ARMC3: variants seen among roughly 807,000 people sequenced by gnomAD.
The protein encoded by ARMC3 is armadillo repeat containing 3.
Under a neutral mutation model 90.3 loss-of-function variants are expected in ARMC3, and 74 were observed. The observed-to-expected ratio is 0.82, with a 90% CI of 0.68 to 0.99. ARMC3 has a LOEUF of 0.99. ARMC3 is among the 50% of genes least tolerant of loss of function. The pLI is 0.00. For missense variants in ARMC3, 958 were observed against 1,042.8 expected (o/e 0.92, Z 1.12); for synonymous variants, 334 against 361.8 (o/e 0.92, Z 0.87).
intron 10 of ARMC3, among the ~76,000 whole-genome samples, chr10:22,986,551 CAAAAAAAAAAACAAA>C (rs1258107235): frequency 5.0e-4 from 43 of 85,810 alleles, no homozygotes; most frequent in Non-Finnish European, 9.0e-4. Flanking sequence ...GACTCCATCT[CAAAAAAAAAAACAAA>C]AAAAAAAAAA....
At chr10:22,975,715 T>A (rs1165865037) in intron 8 of ARMC3, among the ~76,000 whole-genome samples, 1 of 152,118 alleles carries the variant, frequency 6.6e-6, no homozygotes, top group African/African-American at 2.4e-5. Flanking sequence ...TATGTCTAAG[T>A]CCCCCTCTCC....
At chr10:22,938,593 G>T (rs1393275789) in intron 2 of ARMC3, among the ~76,000 whole-genome samples, 19 of 152,152 alleles carry the variant, frequency 1.2e-4, no homozygotes, top group Admixed American at 1.2e-3. Context: ...TGGCCAGAGT[G>T]AGGATGAGCT....
At chr10:22,929,315 A>AGAAAGGAAAGGAAAGGAAAGGAAAG (rs144228471) in intron 1 of ARMC3, among the ~76,000 whole-genome samples, 1 of 150,508 alleles carries the variant, frequency 6.6e-6, no homozygotes, top group Non-Finnish European at 1.5e-5. Flanking sequence ...AAAAAGAAAA[A>AGAAAGGAAAGGAAAGGAAAGGAAAG]GAAAGGAAAG....
intron 2 of ARMC3, among the ~76,000 whole-genome samples, chr10:22,933,315 A>G (rs1435396247): frequency 6.6e-6 from 1 of 152,106 alleles, no homozygotes; most frequent in African/African-American, 2.4e-5. Context: ...TTTGCTACCA[A>G]ATAGCATTAA....
At position 22,968,403 on chromosome 10, in the gene ARMC3, A is replaced by T; in HGVS notation, c.830A>T (p.Lys277Ile). Residue 277 changes from lysine to isoleucine, a missense_variant, in exon 8 of 19, where the codon AAA becomes ATA. Transcript: ENST00000298032. ...CAGATTCAGCAGACAGGGGGTCTTA[A>T]AAAGCTCCTGTCATTTGCAGAAAAC... ...MVQIQQTGGL[K>I]KLLSFAENST... is the part of the protein sequence containing the mutation. The T allele has an allele frequency of 6.2e-7, 1 of 1,613,632 alleles. No individual in the cohort carries two copies. Among genetic ancestry groups the T allele is most frequent in the South Asian group, 1.1e-5 (1 of 90,998 alleles).
intron 2 of ARMC3, among the ~76,000 whole-genome samples, chr10:22,933,466 A>T (rs1026458790): frequency 1.3e-5 from 2 of 152,180 alleles, no homozygotes; most frequent in Non-Finnish European, 2.9e-5. Flanking sequence ...ATCCTTGGGG[A>T]CACAATGGAG....
intron 1 of ARMC3, among the ~76,000 whole-genome samples, chr10:22,930,160 A>G (rs1833873338): frequency 6.6e-6 from 1 of 151,980 alleles, no homozygotes; most frequent in African/African-American, 2.4e-5. Flanking sequence ...GATTAATTGT[A>G]GGATAGATTC....
rs556610930 is a variant in ARMC3, at chr10:23,037,677, G to A, written c.*198G>A. On this transcript the variant is annotated 3_prime_UTR_variant, in exon 19 of 19. Coordinates refer to ENST00000298032, the MANE Select transcript of ARMC3 (RefSeq NM_173081.5). The stretch of plus-strand genomic sequence containing the variant: ...ATTTCAGGCTTTTGGCAAGAGTTCT[G>A]TCTTATTAGGTCATTTTCCGCTCAC... 1.1e-5 allele frequency: 6 copies of A among 532,472 alleles called. No individual in the cohort carries two copies. In the South Asian group the frequency reaches 2.1e-4, roughly 19 times the overall value. 33.0% of individuals were successfully genotyped at this position (532,472 alleles called of 1,614,324 possible). A position where few individuals can be genotyped will look rare whatever the true frequency, so the allele number is the denominator to read the frequency against.
chr10:23,026,081 C>T (rs887359293), intron 16 of ARMC3, among the ~76,000 whole-genome samples: 2 of 152,054 alleles, frequency 1.3e-5, no homozygotes, highest in Admixed American at 1.3e-4. Context: ...AAATTTAATT[C>T]ATTAAAATTT....
Position 22,968,196 on chromosome 10 carries a change from C to T in ARMC3, c.733-110C>T, listed in dbSNP as rs1835523624. On this transcript the variant is annotated intron_variant, in intron 7 of 18. Coordinates refer to ENST00000298032, the MANE Select transcript of ARMC3 (RefSeq NM_173081.5). Reference sequence around the variant, plus strand: ...CTATTCCCTGGGGCCTCTGTCACAACAAAAATCATGACATTGTGTTCTGAC... The same window carrying T: ...CTATTCCCTGGGGCCTCTGTCACAATAAAAATCATGACATTGTGTTCTGAC... 9 of 1,024,904 alleles carry T rather than the reference C, an allele frequency of 8.8e-6. No homozygotes were observed. In the South Asian group the frequency reaches 1.3e-4, roughly 14 times the overall value. The allele number at this position is 1,024,904 out of a possible 1,614,324, so 63.5% of individuals were successfully genotyped here. A position where few individuals can be genotyped will look rare whatever the true frequency, so the allele number is the denominator to read the frequency against.
At chr10:23,008,119 A>T (rs1837716827) in intron 14 of ARMC3, among the ~76,000 whole-genome samples, 157 bp from the exon 15 acceptor site, 1 of 152,168 alleles carries the variant, frequency 6.6e-6, no homozygotes, top group South Asian at 2.1e-4. Flanking sequence ...ACAAACAAAG[A>T]AAAAATGACT....
chr10:22,973,469 C>T (rs1290407516), intron 8 of ARMC3, among the ~76,000 whole-genome samples: 1 of 150,822 alleles, frequency 6.6e-6, no homozygotes, highest in Non-Finnish European at 1.5e-5. Flanking sequence ...ACTCTGCTTA[C>T]TATTTAAATA....
chr10:23,029,533 G>T (rs548375959), intron 16 of ARMC3, among the ~76,000 whole-genome samples: 1 of 152,182 alleles, frequency 6.6e-6, no homozygotes, highest in East Asian at 1.9e-4. Flanking sequence ...GTTCATACTG[G>T]TTCAAAGAAC....
At chr10:22,981,528 T>A (rs1288695251) in intron 9 of ARMC3, 36 bp downstream of exon 9, 4 of 1,613,456 alleles carry the variant, frequency 2.5e-6, no homozygotes, top group Non-Finnish European at 2.5e-6. Context: ...TGAGCATTTT[T>A]AGGTTACCGT....
chr10:23,023,525 C>T (rs1258285685), intron 16 of ARMC3, among the ~76,000 whole-genome samples: 1 of 152,144 alleles, frequency 6.6e-6, no homozygotes, highest in Non-Finnish European at 1.5e-5. Context: ...GAAGATAAAT[C>T]AGTTGTTGGA....
At chr10:22,954,505 A>T (rs1834851440) in intron 3 of ARMC3, among the ~76,000 whole-genome samples, 1 of 149,900 alleles carries the variant, frequency 6.7e-6, no homozygotes, top group Non-Finnish European at 1.5e-5. Context: ...CTACAAAAAA[A>T]TTCGAAAAAA....
intron 16 of ARMC3, among the ~76,000 whole-genome samples, chr10:23,027,924 T>C (rs1247011547): frequency 6.6e-6 from 1 of 152,146 alleles, no homozygotes; most frequent in African/African-American, 2.4e-5. Context: ...GAGTTTCGCT[T>C]GAGCTCAGGA....
At chr10:22,987,132 T>C (rs1487029652) in intron 10 of ARMC3, among the ~76,000 whole-genome samples, 11 of 152,218 alleles carry the variant, frequency 7.2e-5, no homozygotes, top group Admixed American at 7.2e-4. Context: ...TAACAATTTG[T>C]AATGCCTTTT....
chr10:22,955,887 G>T lies in ARMC3; in HGVS notation c.247G>T (p.Val83Leu), dbSNP rs1229437475. 6.2e-7 allele frequency: 1 copy of T among 1,611,766 alleles called. No individual in the cohort carries two copies. ...TKLLTHEDKIVRRNATMIFGI... is the reference protein window; with the variant it reads ...TKLLTHEDKILRRNATMIFGI... Reference sequence around the variant, plus strand: ...GCTACTCACCCATGAAGACAAAATTGTAAGAAGAAATGCTACTATGATATT... The same window carrying T: ...GCTACTCACCCATGAAGACAAAATTTTAAGAAGAAATGCTACTATGATATT... Residue 83 changes from valine (V) to leucine (L), a missense_variant, in exon 4 of 19, where the codon GTA (valine) becomes TTA (leucine). Val to Leu is a conservative substitution (Grantham distance 32). Coordinates refer to ENST00000298032, the MANE Select transcript of ARMC3 (RefSeq NM_173081.5).
Sources: gnomAD v4.1 joint callset for allele counts (sites outside exome capture counted in the v4.1 genomes callset) on GRCh38, gnomAD v4.1.1 for gene constraint, MANE v1.5 for transcripts, NCBI Gene and HGNC (gene_info 2026-07-23, HGNC 2026-07-21) for gene names.